The following TMEM44 variants were observed in gnomAD, a reference collection of about 807,000 sequenced individuals.
The protein encoded by TMEM44 is transmembrane protein 44.
In TMEM44, 43 loss-of-function variants were observed where a neutral mutation model predicts 47.8. The ratio of observed to expected loss-of-function variants is 0.90; its 90% CI spans 0.70 to 1.16. The LOEUF (loss-of-function observed/expected upper bound fraction) is 1.16, where lower values mean the gene tolerates loss of function less well. Ranked by LOEUF, TMEM44 falls within the 50% of genes most tolerant of loss-of-function variation. The pLI is 0.00. For synonymous variants in TMEM44, 277 were observed against 238.8 expected (o/e 1.16, Z -1.48); for missense variants, 568 against 555.2 (o/e 1.02, Z -0.23).
At chr3:194,588,869 C>T (rs971483509) in intron 9 of TMEM44, among the ~76,000 whole-genome samples, 1 of 152,178 alleles carries the variant, frequency 6.6e-6, no homozygotes, top group African/African-American at 2.4e-5. Context: ...ATAACAGCTT[C>T]ACTTTCCTTC....
At chr3:194,602,859 C>T (rs2109167651) in intron 9 of TMEM44, among the ~76,000 whole-genome samples, 1 of 152,292 alleles carries the variant, frequency 6.6e-6, no homozygotes, top group South Asian at 2.1e-4. Flanking sequence ...TTAAGTTCAA[C>T]CAATCTAGGG....
rs547240462 is a variant in TMEM44 at position 194,592,390 on chromosome 3, G to A, written c.1177-3751C>T. Among the ~76,000 whole-genome samples the A allele has an allele frequency of 1.4e-3, 218 of 152,352 alleles. 1 individual carries two copies. Among genetic ancestry groups the A allele is most frequent in the African/African-American group, 4.9e-3 (203 of 41,584 alleles). ...AAGGGTGGCATGGAGACAGCAGCCA[G>A]CTGCCCAGGGTCCCAGAATGACAAT... is the stretch of plus-strand genomic sequence containing the variant. On this transcript the variant is annotated intron_variant, in intron 9 of 9. Transcript: ENST00000347147.
chr3:194,627,911 G>A (rs965342738), intron 2 of TMEM44, among the ~76,000 whole-genome samples: 8 of 152,070 alleles, frequency 5.3e-5, no homozygotes, highest in African/African-American at 1.4e-4. Context: ...CCCAGGAGAC[G>A]GAGGCTGCAG....
chr3:194,612,728 G>GA (rs1463152185), intron 7 of TMEM44, among the ~76,000 whole-genome samples: 1 of 152,150 alleles, frequency 6.6e-6, no homozygotes, highest in Non-Finnish European at 1.5e-5. Context: ...GCAGTGGCGG[G>GA]ATCTCGACTC....
intron 9 of TMEM44, chr3:194,588,897 T>C (rs1712212848): frequency 4.1e-6 from 2 of 490,788 alleles, no homozygotes; most frequent in African/African-American, 3.9e-5. Context: ...CATTCTCCAC[T>C]CTTCTCTGCC....
At chr3:194,629,220 C>A (rs1717506578) in intron 1 of TMEM44, among the ~76,000 whole-genome samples, 1 of 151,740 alleles carries the variant, frequency 6.6e-6, no homozygotes, top group Non-Finnish European at 1.5e-5. Flanking sequence ...CAGTTAATTG[C>A]CTGAATTAAA....
At chr3:194,620,240 G>C (rs1487521473) in intron 5 of TMEM44, among the ~76,000 whole-genome samples, 1 of 143,964 alleles carries the variant, frequency 6.9e-6, no homozygotes, top group South Asian at 2.2e-4. Context: ...GCAGTGAGCC[G>C]AGATCGTGCC....
intron 3 of TMEM44, among the ~76,000 whole-genome samples, chr3:194,624,208 T>C (rs1010586798): frequency 6.6e-6 from 1 of 152,206 alleles, no homozygotes; most frequent in Non-Finnish European, 1.5e-5. Context: ...TTATTTTTTC[T>C]TTTTGAGATG....
chr3:194,633,079 A>G lies in TMEM44; in HGVS notation c.137T>C (p.Leu46Pro), dbSNP rs1189865295. The change falls in exon 1 of 10, where the codon CTG becomes CCG. Residue 46 changes from leucine to proline, a missense_variant and splice_region_variant. Leu to Pro is a moderately conservative substitution (Grantham distance 98). Coordinates refer to ENST00000347147, the MANE Select transcript of TMEM44 (RefSeq NM_001011655.3). ...GCCCCCCGACCCGTGGCCCCATTAC[A>G]GCGCGTGGGCGGCGATCCAGCAGGA... ...ASSCWIAAHA[L>P]LLYLRCAQKP... 1 of 1,534,368 alleles carries G rather than the reference A, an allele frequency of 6.5e-7. No individual in the cohort carries two copies. The highest frequency in any genetic ancestry group is 2.0e-5 in the Admixed American group (1 of 50,414).
chr3:194,613,109 C>T (rs920369604), intron 7 of TMEM44, among the ~76,000 whole-genome samples: 4 of 152,162 alleles, frequency 2.6e-5, no homozygotes, highest in African/African-American at 4.8e-5. Context: ...TAACTTTAGC[C>T]GGTGGCATGA....
At chr3:194,628,695 A>C (rs1257479524) in intron 1 of TMEM44, among the ~76,000 whole-genome samples, 186 bp from the exon 2 acceptor site, 2 of 152,204 alleles carry the variant, frequency 1.3e-5, no homozygotes, top group Non-Finnish European at 2.9e-5. Flanking sequence ...CCGCCTGTCC[A>C]GATGCCCATG....
chr3:194,590,773 G>A (rs952706363), intron 9 of TMEM44, among the ~76,000 whole-genome samples: 7 of 152,290 alleles, frequency 4.6e-5, no homozygotes, highest in African/African-American at 1.7e-4. Flanking sequence ...GTGATTCTTA[G>A]ATGCCCTGAT....
At chr3:194,632,698 T>C (rs1486238061) in intron 1 of TMEM44, among the ~76,000 whole-genome samples, 1 of 152,182 alleles carries the variant, frequency 6.6e-6, no homozygotes, top group Non-Finnish European at 1.5e-5. Context: ...ACGGTACTGA[T>C]TCATCGAATC....
chr3:194,617,881 G>A (rs1716114043), intron 5 of TMEM44: 1 of 617,120 alleles, frequency 1.6e-6, no homozygotes, highest in African/African-American at 1.8e-5. Context: ...CTGAGATCTG[G>A]CTGTTCAAAA....
chr3:194,622,264 G>A (rs535362473), intron 5 of TMEM44, among the ~76,000 whole-genome samples: 12 of 152,334 alleles, frequency 7.9e-5, no homozygotes, highest in African/African-American at 1.9e-4. Flanking sequence ...CTGAGGTAAC[G>A]TGACGCCTCC....
At chr3:194,626,769 C>T (rs1458331613) in intron 2 of TMEM44, among the ~76,000 whole-genome samples, 6 of 151,058 alleles carry the variant, frequency 4.0e-5, no homozygotes, top group Non-Finnish European at 8.9e-5. Flanking sequence ...CTGCAAGCTC[C>T]ACCTCCTGGG....
intron 1 of TMEM44, among the ~76,000 whole-genome samples, chr3:194,630,967 C>T (rs1717752713): frequency 7.1e-6 from 1 of 141,616 alleles, no homozygotes; most frequent in South Asian, 2.4e-4. Context: ...TTTCCGTCGG[C>T]ATCACTGATA....
intron 8 of TMEM44, among the ~76,000 whole-genome samples, chr3:194,606,801 C>T (rs1714819430): frequency 6.6e-6 from 1 of 151,600 alleles, no homozygotes; most frequent in South Asian, 2.1e-4. Context: ...CACAAAATAG[C>T]CAAGCATGGT....
At chr3:194,591,622 ATTTATTTT>A (rs1712734459) in intron 9 of TMEM44, among the ~76,000 whole-genome samples, 1 of 151,936 alleles carries the variant, frequency 6.6e-6, no homozygotes, top group Non-Finnish European at 1.5e-5. Context: ...TTATTTATTT[ATTTATTTT>A]GAGACAGAGT....
Sources: gnomAD v4.1 joint callset for allele counts (sites outside exome capture counted in the v4.1 genomes callset) on GRCh38, gnomAD v4.1.1 for gene constraint, MANE v1.5 for transcripts, NCBI Gene and HGNC (gene_info 2026-07-23, HGNC 2026-07-21) for gene names.